TACR3: variants seen among roughly 807,000 people sequenced by gnomAD.
TACR3 encodes neuromedin-K receptor.
TACR3 carries 34 observed loss-of-function variants against 35.0 expected under a neutral mutation model. The observed-to-expected ratio is 0.97, with a 90% confidence interval of 0.74 to 1.30. The LOEUF (loss-of-function observed/expected upper bound fraction) is 1.30, where lower values mean the gene tolerates loss of function less well. Ranked by LOEUF, TACR3 falls within the 50% of genes most tolerant of loss-of-function variation. The probability of loss-of-function intolerance (pLI) is 0.00; values close to 1 mark genes in which losing one functional copy is unlikely to be tolerated. For synonymous variants in TACR3, 233 were observed against 221.1 expected (o/e 1.05, Z -0.48); for missense variants, 558 against 591.7 (o/e 0.94, Z 0.59).
chr4:103,631,993 G>A (rs1725076724), intron 3 of TACR3, among the ~76,000 whole-genome samples: 1 of 151,948 alleles, frequency 6.6e-6, no homozygotes, highest in South Asian at 2.1e-4. Context: ...ATTGTTACAT[G>A]GGGTCTAATT....
rs113483002 is a variant in TACR3 at position 103,640,253 on chromosome 4, G to A, written c.888+15941C>T. Among the ~76,000 whole-genome samples the A allele has an allele frequency of 8.7e-3, 1,319 of 152,164 alleles. 23 individuals are homozygous for A. Among genetic ancestry groups the A allele is most frequent in the African/African-American group, 0.03 (1,236 of 41,534 alleles). ...CCATTATAAAATATTGCAAAGATAT[G>A]TATGTATATGTGCTGTGTTACACAC... On this transcript the variant is annotated intron_variant, in intron 3 of 4. Coordinates refer to ENST00000304883, the MANE Select transcript of TACR3 (RefSeq NM_001059.3).
intron 3 of TACR3, among the ~76,000 whole-genome samples, chr4:103,644,881 A>C (rs979786595): frequency 6.6e-6 from 1 of 151,816 alleles, no homozygotes; most frequent in Non-Finnish European, 1.5e-5. Context: ...AAAATGTGGA[A>C]ATGTGTCCTG....
chr4:103,597,729 T>A (rs1220688334), intron 3 of TACR3, among the ~76,000 whole-genome samples: 2 of 152,114 alleles, frequency 1.3e-5, no homozygotes, highest in African/African-American at 2.4e-5. Flanking sequence ...TGTAATAGTT[T>A]GCTGAGAATG....
intron 3 of TACR3, among the ~76,000 whole-genome samples, chr4:103,603,957 C>T (rs537834635): frequency 4.3e-4 from 65 of 152,294 alleles, no homozygotes; most frequent in African/African-American, 1.5e-3. Flanking sequence ...TGAAAATGGC[C>T]ATACTGCCCA....
At chr4:103,665,494 C>T (rs149023301) in intron 1 of TACR3, among the ~76,000 whole-genome samples, 2 of 152,194 alleles carry the variant, frequency 1.3e-5, no homozygotes, top group East Asian at 3.9e-4. Flanking sequence ...TTAGGTTTAT[C>T]TACTCATTTA....
chr4:103,712,164 C>T (rs998950719), intron 1 of TACR3, among the ~76,000 whole-genome samples: 1 of 152,126 alleles, frequency 6.6e-6, no homozygotes, highest in Non-Finnish European at 1.5e-5. Context: ...TCATATGGAA[C>T]CAAAAAAGAG....
intron 3 of TACR3, among the ~76,000 whole-genome samples, chr4:103,641,639 G>A (rs1378402619): frequency 1.3e-5 from 2 of 151,934 alleles, no homozygotes; most frequent in Non-Finnish European, 2.9e-5. Flanking sequence ...CATACCCAAA[G>A]GAATTGAAAT....
chr4:103,652,041 TG>T (rs1725631523), intron 3 of TACR3, among the ~76,000 whole-genome samples: 2 of 152,096 alleles, frequency 1.3e-5, no homozygotes, highest in Admixed American at 6.6e-5. Flanking sequence ...CCATGAGCCC[TG>T]CTGCCTGGGA....
In TACR3 at chr4:103,586,700, A is replaced by G. The variant is rs1464778831; in HGVS notation, c.*2982T>C. 2 of 151,480 alleles carry G rather than the reference A, an allele frequency of 1.3e-5. No homozygotes were observed. The highest frequency in any genetic ancestry group is 2.4e-5 in the African/African-American group (1 of 40,896). The allele number at this position is 151,480 out of a possible 1,614,324, so 9.4% of individuals were successfully genotyped here. A position where few individuals can be genotyped will look rare whatever the true frequency, so the allele number is the denominator to read the frequency against. ...CATGAATTCAGCTGCTGGGTCAGAAATGTCACCATCATGAAGTTAGAAGAT... is the reference window on the plus strand; with the variant it reads ...CATGAATTCAGCTGCTGGGTCAGAAGTGTCACCATCATGAAGTTAGAAGAT... On this transcript the variant is annotated 3_prime_UTR_variant, in exon 5 of 5. Transcript: ENST00000304883.
chr4:103,687,398 G>A (rs1722275024), intron 1 of TACR3, among the ~76,000 whole-genome samples: 1 of 152,078 alleles, frequency 6.6e-6, no homozygotes, highest in Non-Finnish European at 1.5e-5. Flanking sequence ...TCTGGCCAGG[G>A]CAATTAGGCA....
chr4:103,661,624 C>T (rs1725838056), intron 1 of TACR3, among the ~76,000 whole-genome samples: 1 of 152,146 alleles, frequency 6.6e-6, no homozygotes, highest in African/African-American at 2.4e-5. Context: ...CGCATTGATT[C>T]TTCTGGCCAG....
intron 3 of TACR3, among the ~76,000 whole-genome samples, chr4:103,637,329 G>A (rs1725216035): frequency 6.6e-6 from 1 of 152,004 alleles, no homozygotes; most frequent in Non-Finnish European, 1.5e-5. Context: ...CAGAACCAAC[G>A]ACAAAAACCA....
intron 3 of TACR3, among the ~76,000 whole-genome samples, chr4:103,610,601 T>A (rs1366065371): frequency 6.6e-6 from 1 of 152,180 alleles, no homozygotes; most frequent in African/African-American, 2.4e-5. Flanking sequence ...TGTTGATTAT[T>A]TCCTTTGCTG....
intron 3 of TACR3, among the ~76,000 whole-genome samples, chr4:103,648,389 G>A (rs756137780): frequency 1.3e-5 from 2 of 151,604 alleles, no homozygotes; most frequent in Admixed American, 6.6e-5. Flanking sequence ...TTCATTCTTC[G>A]AACTATATTT....
At chr4:103,700,747 T>A (rs149397346) in intron 1 of TACR3, among the ~76,000 whole-genome samples, 1 of 152,112 alleles carries the variant, frequency 6.6e-6, no homozygotes, top group Admixed American at 6.5e-5. Flanking sequence ...TGGTTCAACA[T>A]ACACAAATCA....
intron 1 of TACR3, among the ~76,000 whole-genome samples, chr4:103,688,998 A>C (rs373256378): frequency 5.9e-5 from 9 of 152,086 alleles, no homozygotes; most frequent in East Asian, 3.9e-4. Flanking sequence ...TGGAACCAAC[A>C]CAAATGTCCA....
At chr4:103,676,579 C>A (rs1344249098) in intron 1 of TACR3, among the ~76,000 whole-genome samples, 2 of 152,154 alleles carry the variant, frequency 1.3e-5, no homozygotes, top group African/African-American at 2.4e-5. Context: ...CTAAGACTAT[C>A]TGATCTTAGA....
intron 3 of TACR3, among the ~76,000 whole-genome samples, chr4:103,636,094 T>G (rs1172326039): frequency 2.6e-5 from 4 of 152,010 alleles, no homozygotes; most frequent in South Asian, 2.1e-4. Context: ...AATTTAACAA[T>G]GTATTTAGAG....
rs1459579993 is a variant in TACR3 at position 103,650,692 on chromosome 4, T to C, written c.888+5502A>G. Among the ~76,000 whole-genome samples, 4 of 7,446 alleles carry C rather than the reference T, an allele frequency of 5.4e-4. 1 individual carries two copies. The highest frequency in any genetic ancestry group is 7.2e-4 in the Non-Finnish European group (4 of 5,548). 4.9% of individuals were successfully genotyped at this position (7,446 alleles called of 152,430 possible). On this transcript the variant is annotated intron_variant, in intron 3 of 4. Coordinates refer to ENST00000304883, the MANE Select transcript of TACR3 (RefSeq NM_001059.3). The stretch of plus-strand genomic sequence containing the variant: ...TAAATATATATTATATCATATATAA[T>C]ATATATTTATATATATAAATATATA...
Sources: gnomAD v4.1 joint callset for allele counts (sites outside exome capture counted in the v4.1 genomes callset) on GRCh38, gnomAD v4.1.1 for gene constraint, MANE v1.5 for transcripts, NCBI Gene and HGNC (gene_info 2026-07-23, HGNC 2026-07-21) for gene names.